Variants in HCN1 observed in about 807,000 individuals in gnomAD.
The protein encoded by HCN1 is hyperpolarization activated cyclic nucleotide gated potassium channel 1.
A neutral mutation model predicts 78.9 loss-of-function variants in HCN1; 13 were observed. That is an observed-to-expected ratio of 0.16 (90% CI 0.11 to 0.26). The LOEUF is 0.26. HCN1 is among the 10% of genes least tolerant of loss of function. HCN1 has a pLI of 1.00. For missense variants in HCN1, 810 were observed against 1,154.3 expected, an observed-to-expected ratio of 0.70 and a Z score of 4.32; for synonymous variants, 552 against 455.5, an observed-to-expected ratio of 1.21 and a Z score of -2.70.
At chr5:45,309,026 T>A (rs1391997665) in intron 5 of HCN1, among the ~76,000 whole-genome samples, 1 of 152,184 alleles carries the variant, frequency 6.6e-6, no homozygotes, top group East Asian at 1.9e-4. Context: ...TTTGTTTGTA[T>A]CATCTCTGAT....
chr5:45,397,577 T>C (rs1446996893), intron 3 of HCN1, among the ~76,000 whole-genome samples: 1 of 151,802 alleles, frequency 6.6e-6, no homozygotes, highest in Non-Finnish European at 1.5e-5. Context: ...TTACACAATT[T>C]ATAAAAGCCA....
At chr5:45,596,845 A>C (rs1744509616) in intron 2 of HCN1, among the ~76,000 whole-genome samples, 1 of 152,230 alleles carries the variant, frequency 6.6e-6, no homozygotes, top group African/African-American at 2.4e-5. Flanking sequence ...CTTTTGTATT[A>C]TCCAAAATAA....
chr5:45,299,428 T>C (rs751645532), intron 6 of HCN1, among the ~76,000 whole-genome samples: 1 of 152,038 alleles, frequency 6.6e-6, no homozygotes, highest in Non-Finnish European at 1.5e-5. Flanking sequence ...TCTCTGTCTC[T>C]ATAACTATTT....
At chr5:45,548,177 A>G (rs367866647) in intron 2 of HCN1, among the ~76,000 whole-genome samples, 1 of 152,082 alleles carries the variant, frequency 6.6e-6, no homozygotes, top group Admixed American at 6.6e-5. Flanking sequence ...CAATCTACTG[A>G]TACACATTTC....
At chr5:45,332,338 C>T (rs1267981067) in intron 5 of HCN1, among the ~76,000 whole-genome samples, 3 of 151,420 alleles carry the variant, frequency 2.0e-5, no homozygotes, top group African/African-American at 7.3e-5. Context: ...TACAAACAAT[C>T]CAATTATACT....
chr5:45,681,809 C>A (rs577334942), intron 1 of HCN1, among the ~76,000 whole-genome samples: 2 of 152,154 alleles, frequency 1.3e-5, no homozygotes, highest in East Asian at 1.9e-4. Context: ...ACATTCTCAA[C>A]TTTATTTTGA....
At chr5:45,308,802 T>C (rs1745789913) in intron 5 of HCN1, among the ~76,000 whole-genome samples, 1 of 152,208 alleles carries the variant, frequency 6.6e-6, no homozygotes, top group Non-Finnish European at 1.5e-5. Flanking sequence ...TGTAGCATGA[T>C]GCCTCCAGCT....
At chr5:45,682,752 G>A (rs1397096269) in intron 1 of HCN1, among the ~76,000 whole-genome samples, 1 of 151,970 alleles carries the variant, frequency 6.6e-6, no homozygotes, top group Non-Finnish European at 1.5e-5. Flanking sequence ...TGTGTAAATT[G>A]TGACATGTTC....
chr5:45,262,690 G>T lies in HCN1; in HGVS notation c.1904C>A (p.Ala635Glu). The T allele has an allele frequency of 2.5e-6, 4 of 1,614,090 alleles. No individual in the cohort carries two copies. Among genetic ancestry groups the T allele is most frequent in the Non-Finnish European group, 3.4e-6 (4 of 1,180,018 alleles). The change falls in exon 8 of 8, where the codon GCA (alanine) becomes GAA (glutamate). Residue 635 changes from alanine (A) to glutamate (E), a missense_variant. Ala to Glu is a moderately radical substitution (Grantham distance 107). This residue lies in a region of HCN1 where 398 missense variants were observed against 381.3 expected (regional missense o/e 1.04). Transcript: ENST00000303230. ...TTGAGGATAATTGATGGGAGCGATTGCCTGCACCATCTCCCTGTCATGTTT... is the reference window on the plus strand; with the variant it reads ...TTGAGGATAATTGATGGGAGCGATTTCCTGCACCATCTCCCTGTCATGTTT... ...IVKHDREMVQ[A>E]IAPINYPQMT...
chr5:45,299,483 A>G (rs141633752), intron 6 of HCN1, among the ~76,000 whole-genome samples: 1 of 152,030 alleles, frequency 6.6e-6, no homozygotes, highest in East Asian at 1.9e-4. Flanking sequence ...TTTTTTCAAC[A>G]TACTGGTGAT....
At chr5:45,341,783 G>A (rs1371938920) in intron 5 of HCN1, among the ~76,000 whole-genome samples, 1 of 152,084 alleles carries the variant, frequency 6.6e-6, no homozygotes, top group Non-Finnish European at 1.5e-5. Flanking sequence ...CTTATTATGA[G>A]AATATTTTCA....
chr5:45,530,763 T>G (rs1448220132), intron 2 of HCN1, among the ~76,000 whole-genome samples: 1 of 152,122 alleles, frequency 6.6e-6, no homozygotes, highest in Non-Finnish European at 1.5e-5. Context: ...ATTTAAATTT[T>G]GCACTGACTC....
At chr5:45,595,298 C>A (rs1235497859) in intron 2 of HCN1, among the ~76,000 whole-genome samples, 2 of 152,156 alleles carry the variant, frequency 1.3e-5, no homozygotes, top group African/African-American at 4.8e-5. Flanking sequence ...GCTCTGAAGA[C>A]AATCAAAATA....
chr5:45,372,277 A>G (rs1438210318), intron 4 of HCN1, among the ~76,000 whole-genome samples: 4 of 89,404 alleles, frequency 4.5e-5, no homozygotes, highest in Admixed American at 2.1e-4. Context: ...ATATTTATAT[A>G]TATAATATAT....
intron 2 of HCN1, among the ~76,000 whole-genome samples, chr5:45,520,383 G>C (rs1351719): frequency 0.25 from 37,212 of 151,874 alleles, 4,680 homozygotes; most frequent in East Asian, 0.32. Context: ...TTTGGAATAT[G>C]TGTATATCAC....
At chr5:45,576,849 T>C (rs973361004) in intron 2 of HCN1, among the ~76,000 whole-genome samples, 1 of 152,014 alleles carries the variant, frequency 6.6e-6, no homozygotes, top group Non-Finnish European at 1.5e-5. Context: ...AACCAATTCA[T>C]CCCAATTTCT....
At chr5:45,477,092 A>G (rs774496161) in intron 2 of HCN1, among the ~76,000 whole-genome samples, 3 of 152,146 alleles carry the variant, frequency 2.0e-5, no homozygotes, top group Middle Eastern at 3.2e-3. Flanking sequence ...CCTAGTATAA[A>G]TCAGCACTGT....
intron 2 of HCN1, among the ~76,000 whole-genome samples, chr5:45,641,190 G>A (rs1745448686): frequency 6.6e-6 from 1 of 152,162 alleles, no homozygotes; most frequent in African/African-American, 2.4e-5. Flanking sequence ...ATTAGAATAT[G>A]TATTGTATAA....
chr5:45,602,997 T>C (rs1744654148), intron 2 of HCN1, among the ~76,000 whole-genome samples: 1 of 152,106 alleles, frequency 6.6e-6, no homozygotes, highest in Non-Finnish European at 1.5e-5. Flanking sequence ...ACAGTTACAG[T>C]GGTTATACAG....
Sources: allele counts gnomAD v4.1 joint callset (sites outside exome capture counted in the v4.1 genomes callset), GRCh38; gene constraint gnomAD v4.1.1; regional missense constraint gnomAD v4.1.1; transcripts MANE v1.5; gene names NCBI Gene and HGNC (gene_info 2026-07-23, HGNC 2026-07-21).